The following PDHX variants were observed in gnomAD, a reference collection of about 807,000 sequenced individuals.
PDHX encodes pyruvate dehydrogenase complex component X, also known as pyruvate dehydrogenase protein X component, mitochondrial.
Under a neutral mutation model 55.3 loss-of-function variants are expected in PDHX, and 33 were observed. The observed-to-expected ratio is 0.60, with a 90% CI of 0.45 to 0.80. PDHX has a LOEUF of 0.80. Ranked by LOEUF, PDHX falls within the 30% of genes least tolerant of loss-of-function variation. The pLI is 0.00. For missense variants in PDHX, 622 were observed against 619.9 expected (o/e 1.00, Z -0.04); for synonymous variants, 226 against 219.4 (o/e 1.03, Z -0.27).
At chr11:34,975,736 C>T (rs1392335960) in intron 7 of PDHX, among the ~76,000 whole-genome samples, 2 of 152,154 alleles carry the variant, frequency 1.3e-5, no homozygotes, top group Admixed American at 6.5e-5. Context: ...TTCAGTTCAC[C>T]TGTTTGCTTT....
At chr11:34,951,081 C>T (rs12799276) in intron 3 of PDHX, among the ~76,000 whole-genome samples, 3 of 123,840 alleles carry the variant, frequency 2.4e-5, no homozygotes, top group Non-Finnish European at 4.9e-5. Flanking sequence ...TTTTGAGACG[C>T]AGTCTTGCTC....
rs497582 is a variant in PDHX, at chr11:34,970,180, T to C, written c.858T>C (p.Val286=). 0.68 allele frequency: 1,095,704 copies of C among 1,611,864 alleles called. 377,852 individuals carry two copies. The highest frequency in any genetic ancestry group is 0.73 in the East Asian group (32,706 of 44,842). ...TCCCCGCCAGCAATATTCGAAGAGTTATTGCCAAGAGATTAACTGAATCTA... is the reference window on the plus strand; with the variant it reads ...TCCCCGCCAGCAATATTCGAAGAGTCATTGCCAAGAGATTAACTGAATCTA... ...TEIPASNIRR[V]IAKRLTESKS... Residue 286 remains valine (V), a synonymous_variant, in exon 7 of 11, where the codon GTT becomes GTC. Coordinates refer to ENST00000227868, the MANE Select transcript of PDHX (RefSeq NM_003477.3).
intron 2 of PDHX, among the ~76,000 whole-genome samples, chr11:34,946,862 C>T (rs1372191190): frequency 6.6e-6 from 1 of 152,160 alleles, no homozygotes; most frequent in Non-Finnish European, 1.5e-5. Flanking sequence ...AACTGTTGTA[C>T]CTCTTTTCCC....
intron 5 of PDHX, among the ~76,000 whole-genome samples, chr11:34,960,915 G>A (rs928001773): frequency 4.6e-5 from 7 of 152,062 alleles, no homozygotes; most frequent in Admixed American, 4.6e-4. Flanking sequence ...CACTTGTGCT[G>A]TTATAAAGCA....
intron 8 of PDHX, among the ~76,000 whole-genome samples, chr11:34,983,448 A>G (rs1855565474): frequency 6.6e-6 from 1 of 152,186 alleles, no homozygotes; most frequent in Non-Finnish European, 1.5e-5. Context: ...AGAAAGAAAT[A>G]AAGGGTATTC....
chr11:34,978,159 AAGGC>A lies in PDHX; in HGVS notation c.1003_1006del (p.Ala335GlnfsTer13). ...AGTATCAGTAAATGATTTTATCATC[AAGGC>A]AGCAGCTGTTACCCTTAAAGTAAGT... On this transcript the variant is annotated frameshift_variant, in exon 8 of 11. Transcript: ENST00000227868. LOFTEE classifies it high-confidence loss of function. The A allele has an allele frequency of 1.3e-6, 2 of 1,577,674 alleles. No homozygotes were observed. The highest frequency in any genetic ancestry group is 8.7e-7 in the Non-Finnish European group (1 of 1,147,054).
intron 1 of PDHX, among the ~76,000 whole-genome samples, chr11:34,929,466 T>G (rs1854103781): frequency 6.6e-6 from 1 of 152,200 alleles, no homozygotes; most frequent in African/African-American, 2.4e-5. Context: ...TGGCCTCAAA[T>G]CTGCCCACCT....
chr11:34,919,636 G>T lies in PDHX; in HGVS notation c.160+2821G>T, dbSNP rs573610807. Among the ~76,000 whole-genome samples the T allele has an allele frequency of 3.3e-5, 5 of 152,286 alleles. No individual in the cohort carries two copies. In the South Asian group the frequency reaches 1.0e-3, roughly 32 times the overall value. On this transcript the variant is annotated intron_variant, in intron 1 of 10. Coordinates refer to ENST00000227868, the MANE Select transcript of PDHX (RefSeq NM_003477.3). ...GAGTCTCCTAAAGACATGTAACTGT[G>T]TTGATGAACTGAAGTGCATGTATAT... is the stretch of plus-strand genomic sequence containing the variant.
intron 8 of PDHX, among the ~76,000 whole-genome samples, chr11:34,983,148 T>C (rs1855557470): frequency 6.6e-6 from 1 of 152,130 alleles, no homozygotes; most frequent in Admixed American, 6.6e-5. Context: ...TAATCCCGCA[T>C]GTAAACAGAA....
chr11:34,986,107 C>A (rs1855636082), intron 9 of PDHX, among the ~76,000 whole-genome samples: 1 of 152,118 alleles, frequency 6.6e-6, no homozygotes, highest in Admixed American at 6.5e-5. Context: ...GAATTTGAGA[C>A]CAGCCTGGCC....
intron 9 of PDHX, among the ~76,000 whole-genome samples, chr11:34,989,219 A>G (rs1025280909): frequency 7.9e-5 from 12 of 152,154 alleles, no homozygotes; most frequent in Non-Finnish European, 1.6e-4. Flanking sequence ...TTTTAATCTT[A>G]TGGGACCACT....
intron 7 of PDHX, among the ~76,000 whole-genome samples, chr11:34,973,925 A>G (rs755230609): frequency 2.8e-4 from 43 of 152,294 alleles, no homozygotes; most frequent in Middle Eastern, 3.4e-3. Context: ...TGCTTCTTAT[A>G]GTACAGATTG....
chr11:34,916,981 G>A (rs1375012617), intron 1 of PDHX, among the ~76,000 whole-genome samples, 166 bp downstream of exon 1: 3 of 152,142 alleles, frequency 2.0e-5, no homozygotes, highest in Non-Finnish European at 4.4e-5. Context: ...AATGCATGCT[G>A]TGAAGGGCTT....
chr11:34,969,159 G>A (rs1855198720), intron 6 of PDHX, among the ~76,000 whole-genome samples: 1 of 152,050 alleles, frequency 6.6e-6, no homozygotes, highest in South Asian at 2.1e-4. Flanking sequence ...CACATTTATG[G>A]TAGGCTATGC....
intron 1 of PDHX, among the ~76,000 whole-genome samples, chr11:34,930,695 C>T (rs891354264): frequency 2.6e-5 from 4 of 152,162 alleles, no homozygotes; most frequent in Non-Finnish European, 5.9e-5. Flanking sequence ...ATAGTGTTTG[C>T]TTTTTCGATA....
chr11:34,984,835 G>A (rs146748152), intron 9 of PDHX, 107 bp downstream of exon 9: 2 of 1,046,196 alleles, frequency 1.9e-6, no homozygotes, highest in Admixed American at 1.7e-5. Context: ...ATTTTTGTGT[G>A]TGTGAAGGGG....
chr11:34,969,235 A>G lies in PDHX; in HGVS notation c.817-904A>G, dbSNP rs537641118. On this transcript the variant is annotated intron_variant, in intron 6 of 10. Transcript: ENST00000227868. ...ATGCACTTTGACTTATGATATTTTA[A>G]ACTTACGATGGGTTCATCAGAGTGT... 5.3e-5 allele frequency among the ~76,000 whole-genome samples: 8 copies of G among 152,276 alleles called. No individual in the cohort carries two copies. In the East Asian group the frequency reaches 1.3e-3, roughly 26 times the overall value.
chr11:34,948,842 AAT>A (rs1416173718), intron 3 of PDHX, among the ~76,000 whole-genome samples: 3 of 152,216 alleles, frequency 2.0e-5, no homozygotes, highest in African/African-American at 7.2e-5. Context: ...ATTACCATGT[AAT>A]AAACCCAGCT....
intron 6 of PDHX, among the ~76,000 whole-genome samples, chr11:34,969,399 A>G (rs1182736451): frequency 6.8e-6 from 1 of 147,752 alleles, no homozygotes; most frequent in Non-Finnish European, 1.5e-5. Flanking sequence ...GCTGGAGTGC[A>G]GTGGCGCGAT....
Sources: allele counts gnomAD v4.1 joint callset (sites outside exome capture counted in the v4.1 genomes callset), GRCh38; gene constraint gnomAD v4.1.1; transcripts MANE v1.5; gene names NCBI Gene and HGNC (gene_info 2026-07-23, HGNC 2026-07-21).